The following FMN2 variants were observed in gnomAD, a reference collection of about 807,000 sequenced individuals.
FMN2 encodes the protein formin 2, also known as formin-2.
Under a neutral mutation model 142.3 loss-of-function variants are expected in FMN2, and 51 were observed. The observed-to-expected ratio is 0.36, with a 90% confidence interval of 0.29 to 0.45. The LOEUF is 0.45. Among genes scored for constraint, FMN2 ranks in the 20% least tolerant of loss-of-function variants. FMN2 has a pLI of 1.00. For synonymous variants in FMN2, 882 were observed against 869.8 expected (o/e 1.01, Z -0.25); for missense variants, 1,936 against 2,122.8 (o/e 0.91, Z 1.73).
chr1:240,423,678 A>T (rs114397473), intron 15 of FMN2, among the ~76,000 whole-genome samples: 1,919 of 152,262 alleles, frequency 0.013, 25 homozygotes, highest in Non-Finnish European at 0.02. Context: ...AAAGGCAGAG[A>T]CCCCCAGGGT....
intron 4 of FMN2, among the ~76,000 whole-genome samples, chr1:240,194,415 G>C (rs1665836530): frequency 6.6e-6 from 1 of 152,196 alleles, no homozygotes; most frequent in South Asian, 2.1e-4. Flanking sequence ...TATTGCGCTA[G>C]GGAAGAGTCC....
At chr1:240,222,505 G>GTT (rs150906512) in intron 6 of FMN2, among the ~76,000 whole-genome samples, 94 of 150,154 alleles carry the variant, frequency 6.3e-4, no homozygotes, top group Admixed American at 3.0e-3. Flanking sequence ...ATTTAAAGTA[G>GTT]TTTTTTTTTT....
chr1:240,138,407 T>C (rs992595955), intron 2 of FMN2, among the ~76,000 whole-genome samples: 4 of 152,130 alleles, frequency 2.6e-5, no homozygotes, highest in Middle Eastern at 3.4e-3. Flanking sequence ...TTTTAAAAAG[T>C]ATTACATGTG....
intron 13 of FMN2, 128 bp downstream of exon 13, chr1:240,334,357 C>T (rs10926220): frequency 0.38 from 413,749 of 1,103,066 alleles, 80,225 homozygotes; most frequent in Admixed American, 0.59. Context: ...GTGTGTGTGG[C>T]GAAAGAACAA....
At chr1:240,174,763 T>G (rs1364392642) in intron 2 of FMN2, among the ~76,000 whole-genome samples, 1 of 152,210 alleles carries the variant, frequency 6.6e-6, no homozygotes, top group African/African-American at 2.4e-5. Context: ...TAAGTGCATC[T>G]TAGCTATCCC....
At chr1:240,392,706 C>T (rs1433470512) in intron 15 of FMN2, 144 bp downstream of exon 15, 3 of 602,112 alleles carry the variant, frequency 5.0e-6, no homozygotes, top group Non-Finnish European at 8.4e-6. Flanking sequence ...TCTAAATCTA[C>T]AATGAATTTC....
intron 16 of FMN2, among the ~76,000 whole-genome samples, chr1:240,462,642 A>G (rs112349373): frequency 0.022 from 3,425 of 152,278 alleles, 126 homozygotes; most frequent in African/African-American, 0.078. Context: ...TTAGTCAGCT[A>G]TTTTTTAAAC....
At chr1:240,258,056 G>T (rs1358817072) in intron 7 of FMN2, 24 bp downstream of exon 7, 15 of 1,561,596 alleles carry the variant, frequency 9.6e-6, no homozygotes, top group East Asian at 2.3e-5. Flanking sequence ...TGAAAATTTA[G>T]CTTCTGAATA....
intron 6 of FMN2, among the ~76,000 whole-genome samples, chr1:240,236,049 C>T (rs971551748): frequency 1.3e-5 from 2 of 152,108 alleles, no homozygotes; most frequent in South Asian, 4.1e-4. Flanking sequence ...ACCTTGTACC[C>T]GTTTGGAGAT....
At chr1:240,451,541 G>A (rs1395371561) in intron 16 of FMN2, among the ~76,000 whole-genome samples, 1 of 151,964 alleles carries the variant, frequency 6.6e-6, no homozygotes, top group Admixed American at 6.6e-5. Context: ...GATGATTGGC[G>A]TGTTCCCCAG....
At chr1:240,273,117 A>G (rs1328356173) in intron 7 of FMN2, among the ~76,000 whole-genome samples, 1 of 152,176 alleles carries the variant, frequency 6.6e-6, no homozygotes, top group South Asian at 2.1e-4. Context: ...ATCATTGTCA[A>G]AAACAGCATG....
At position 240,143,510 on chromosome 1, in the gene FMN2, T is replaced by C. The variant is rs963140376; in HGVS notation, c.1782+20165T>C. ...TCCTTCTTGCCTTTGTCTTCCTCCT[T>C]CTCTTTGGAGTCAAAGTGTTCGCTG... On this transcript the variant is annotated intron_variant, in intron 2 of 17. Transcript: ENST00000319653. 5.3e-5 allele frequency: 84 copies of C among 1,579,906 alleles called. No individual in the cohort carries two copies. The East Asian group carries it at 1.5e-3, about 28-fold the overall frequency.
In FMN2 at chr1:240,356,731, G is replaced by A. The variant is rs141385111; in HGVS notation, c.4858+823G>A. The stretch of plus-strand genomic sequence containing the variant: ...AGAGGCTGACATGGCTTGAGACTGA[G>A]GCCAAGAACACTCTGAAGATTGGCT... On this transcript the variant is annotated intron_variant, in intron 14 of 17. Coordinates refer to ENST00000319653, the MANE Select transcript of FMN2 (RefSeq NM_020066.5). Among the ~76,000 whole-genome samples the A allele has an allele frequency of 1.1e-3, 168 of 152,278 alleles. 1 individual carries two copies. The highest frequency in any genetic ancestry group is 2.5e-4 in the Non-Finnish European group (17 of 68,032).
At chr1:240,159,949 ATC>A (rs66834290) in intron 2 of FMN2, among the ~76,000 whole-genome samples, 26,715 of 122,936 alleles carry the variant, frequency 0.22, 3,092 homozygotes, top group Admixed American at 0.33. Flanking sequence ...ATATATATAT[ATC>A]TATATCTGTG....
intron 7 of FMN2, among the ~76,000 whole-genome samples, chr1:240,291,378 T>TG (rs1416447068): frequency 4.9e-5 from 4 of 82,076 alleles, no homozygotes; most frequent in African/African-American, 9.2e-5. Context: ...AGGGGGTGGG[T>TG]GGGGGTGGGA....
intron 6 of FMN2, among the ~76,000 whole-genome samples, chr1:240,247,604 T>C (rs1332071358): frequency 6.6e-6 from 1 of 152,028 alleles, no homozygotes; most frequent in African/African-American, 2.4e-5. Context: ...GTTTAAAACC[T>C]ATGATTAAAA....
At chr1:240,106,943 C>CA (rs1661637627) in intron 1 of FMN2, among the ~76,000 whole-genome samples, 1 of 151,748 alleles carries the variant, frequency 6.6e-6, no homozygotes, top group Non-Finnish European at 1.5e-5. Context: ...CTCAGCCTCC[C>CA]AAAGTGCCGG....
Position 240,438,187 on chromosome 1 carries a change from G to T in FMN2, c.5037G>T (p.Glu1679Asp), listed in dbSNP as rs1675467002. Reference protein sequence around the residue: ...SSDFKDFWKKENKLLLQERVK... With the variant: ...SSDFKDFWKKDNKLLLQERVK... The stretch of plus-strand genomic sequence containing the variant: ...ACTTTAAAGACTTCTGGAAGAAAGA[G>T]AACAAACTTCTTCTACAAGAGAGGT... The change falls in exon 16 of 18, where the codon GAG becomes GAT. Residue 1679 changes from glutamate to aspartate, a missense_variant. Glu to Asp is a conservative substitution (Grantham distance 45, BLOSUM62 2). Around this residue, in one of 8 missense-constraint regions of FMN2, gnomAD observed 322 missense variants for 401.6 expected, o/e 0.80. Transcript: ENST00000319653. 3 of 1,613,094 alleles carry T rather than the reference G, an allele frequency of 1.9e-6. No individual in the cohort carries two copies. The highest frequency in any genetic ancestry group is 2.5e-6 in the Non-Finnish European group (3 of 1,179,784).
intron 6 of FMN2, among the ~76,000 whole-genome samples, chr1:240,255,916 A>G (rs1267130845): frequency 6.6e-6 from 1 of 152,194 alleles, no homozygotes; most frequent in Non-Finnish European, 1.5e-5. Context: ...AGATATAGAG[A>G]ACAGAACTCT....
Sources: allele counts gnomAD v4.1 joint callset (sites outside exome capture counted in the v4.1 genomes callset), GRCh38; gene constraint gnomAD v4.1.1; regional missense constraint gnomAD v4.1.1; transcripts MANE v1.5; gene names NCBI Gene and HGNC (gene_info 2026-07-23, HGNC 2026-07-21).